Variants in GNE observed in about 807,000 individuals in gnomAD.
GNE encodes bifunctional UDP-N-acetylglucosamine 2-epimerase/N-acetylmannosamine kinase.
GNE carries 41 observed loss-of-function variants against 61.8 expected under a neutral mutation model. The ratio of observed to expected loss-of-function variants is 0.66; its 90% CI spans 0.52 to 0.86. GNE has a LOEUF of 0.86. Among genes scored for constraint, GNE ranks in the 40% least tolerant of loss-of-function variants. The pLI is 0.00. For synonymous variants in GNE, 264 were observed against 326.4 expected (o/e 0.81, Z 2.06); for missense variants, 608 against 909.1 (o/e 0.67, Z 4.26).
intron 1 of GNE, among the ~76,000 whole-genome samples, chr9:36,267,132 G>T (rs1313549943): frequency 6.6e-6 from 1 of 152,210 alleles, no homozygotes; most frequent in Non-Finnish European, 1.5e-5. Context: ...CTTAAGCTTT[G>T]CAAGAGCATA....
chr9:36,214,933 CTG>C lies in GNE; in HGVS notation c.*2430_*2431del, dbSNP rs2132979032. On this transcript the variant is annotated 3_prime_UTR_variant, in exon 12 of 12. Coordinates refer to ENST00000642385, the MANE Select transcript of GNE (RefSeq NM_005476.7). ...TTGAGTCCTTCAGTTTATTTGAACACTGAAACAATATGTTGTAGAAACCTTCA... is the reference window on the plus strand; with the variant it reads ...TTGAGTCCTTCAGTTTATTTGAACACAAACAATATGTTGTAGAAACCTTCA... 1 of 152,288 alleles carries C rather than the reference CTG, an allele frequency of 6.6e-6. No homozygotes were observed. The highest frequency in any genetic ancestry group is 2.4e-5 in the African/African-American group (1 of 41,558). The allele number at this position is 152,288 out of a possible 1,614,324, so 9.4% of individuals were successfully genotyped here.
chr9:36,238,119 T>C (rs60551834), intron 3 of GNE, among the ~76,000 whole-genome samples: 48 of 111,552 alleles, frequency 4.3e-4, no homozygotes, highest in African/African-American at 1.7e-3. Context: ...TAGATATATA[T>C]AGATACACAC....
At chr9:36,234,163 T>C in intron 4 of GNE, 31 bp from the exon 5 acceptor site, 1 of 1,548,328 alleles carries the variant, frequency 6.5e-7, no homozygotes. Context: ...AATTGGTAAA[T>C]GGTTTGTGAG....
intron 3 of GNE, among the ~76,000 whole-genome samples, chr9:36,244,051 C>A (rs941270196): frequency 6.6e-6 from 1 of 151,878 alleles, no homozygotes; most frequent in African/African-American, 2.4e-5. Flanking sequence ...GTAGCCTCAA[C>A]TACTCAGGCT....
intron 9 of GNE, among the ~76,000 whole-genome samples, chr9:36,220,928 C>CTCTGAT (rs1427243693): frequency 6.6e-6 from 1 of 152,196 alleles, no homozygotes; most frequent in African/African-American, 2.4e-5. Flanking sequence ...ACCCCTAGCC[C>CTCTGAT]TCTGATTTAC....
At chr9:36,242,732 G>GTTTTTTTTTTTT (rs34441447) in intron 3 of GNE, among the ~76,000 whole-genome samples, 2 of 95,992 alleles carry the variant, frequency 2.1e-5, no homozygotes, top group African/African-American at 4.4e-5. Context: ...TTTTATGCTT[G>GTTTTTTTTTTTT]TTTTTTTTTT....
chr9:36,255,093 A>G (rs895480219), intron 1 of GNE, among the ~76,000 whole-genome samples: 3 of 152,208 alleles, frequency 2.0e-5, no homozygotes, highest in Middle Eastern at 3.2e-3. Context: ...AGGTAGAATA[A>G]CCTTTGAGTA....
chr9:36,246,794 G>T (rs939220011), intron 2 of GNE, among the ~76,000 whole-genome samples: 1 of 149,962 alleles, frequency 6.7e-6, no homozygotes, highest in African/African-American at 2.5e-5. Context: ...TCAGCCTCCT[G>T]CGTAGCTGGG....
intron 1 of GNE, among the ~76,000 whole-genome samples, chr9:36,255,495 A>G (rs1206302119): frequency 1.3e-5 from 2 of 152,216 alleles, no homozygotes; most frequent in Non-Finnish European, 2.9e-5. Context: ...ATTAAAAGCC[A>G]CAAGAGGCTA....
At chr9:36,233,198 C>A (rs541510745) in intron 5 of GNE, among the ~76,000 whole-genome samples, 6 of 152,314 alleles carry the variant, frequency 3.9e-5, no homozygotes, top group Non-Finnish European at 7.3e-5. Context: ...TTAGCAAATT[C>A]ATTAATAATA....
At chr9:36,272,094 TAAGTC>T (rs1162200318) in intron 1 of GNE, among the ~76,000 whole-genome samples, 2 of 152,100 alleles carry the variant, frequency 1.3e-5, no homozygotes, top group Non-Finnish European at 2.9e-5. Context: ...ATCTTTATAA[TAAGTC>T]AAGCATAAAA....
chr9:36,261,383 C>T (rs1830612118), upstream of GNE, among the ~76,000 whole-genome samples: 1 of 149,572 alleles, frequency 6.7e-6, no homozygotes, highest in Non-Finnish European at 1.5e-5. Context: ...ATGGTGACAC[C>T]CCGTCTCTAC....
Position 36,222,762 on chromosome 9 carries a change from C to A in GNE, c.1633+15G>T. The A allele has an allele frequency of 1.3e-6, 2 of 1,557,608 alleles. No individual in the cohort carries two copies. The highest frequency in any genetic ancestry group is 3.5e-4 in the Middle Eastern group (2 of 5,664). On this transcript the variant is annotated intron_variant, in intron 9 of 11. Transcript: ENST00000642385. ...CATTCTAGCTCCTGAACCAACCTCCCCCTACCCCTCTTACCTGTGCCTGTG... is the reference window on the plus strand; with the variant it reads ...CATTCTAGCTCCTGAACCAACCTCCACCTACCCCTCTTACCTGTGCCTGTG...
chr9:36,217,213 G>A lies in GNE; in HGVS notation c.*152C>T. ...AATAGGAGTGGGGAAAGGTGACTCT[G>A]GAAGAGGAGACCAAAAGTGAAAACA... On this transcript the variant is annotated 3_prime_UTR_variant, in exon 12 of 12. Transcript: ENST00000642385. The A allele has an allele frequency of 1.5e-6, 1 of 689,204 alleles. No homozygotes were observed. 42.7% of individuals were successfully genotyped at this position (689,204 alleles called of 1,614,324 possible). A position where few individuals can be genotyped will look rare whatever the true frequency, so the allele number is the denominator to read the frequency against.
chr9:36,275,129 T>G (rs1831214079), intron 1 of GNE, among the ~76,000 whole-genome samples: 1 of 152,250 alleles, frequency 6.6e-6, no homozygotes, highest in Non-Finnish European at 1.5e-5. Context: ...TATTTGGATG[T>G]GTTCTACAAG....
chr9:36,267,570 C>T (rs990948518), intron 1 of GNE, among the ~76,000 whole-genome samples: 3 of 152,080 alleles, frequency 2.0e-5, no homozygotes, highest in Admixed American at 1.3e-4. Context: ...GTGGCAGGTG[C>T]CTGTAATCCT....
intron 2 of GNE, among the ~76,000 whole-genome samples, chr9:36,248,534 G>A (rs963395545): frequency 1.3e-5 from 2 of 151,058 alleles, no homozygotes; most frequent in Non-Finnish European, 2.9e-5. Flanking sequence ...ATGTTGGCCA[G>A]GCTGGTCTCA....
chr9:36,247,926 T>C (rs1210089428), intron 2 of GNE, among the ~76,000 whole-genome samples: 1 of 146,794 alleles, frequency 6.8e-6, no homozygotes, highest in African/African-American at 2.5e-5. Flanking sequence ...CTCGGAAGGC[T>C]AAGGCAGGAG....
At chr9:36,230,917 G>T (rs1829115069) in intron 5 of GNE, among the ~76,000 whole-genome samples, 1 of 151,916 alleles carries the variant, frequency 6.6e-6, no homozygotes. Flanking sequence ...TACTATCTAT[G>T]GCTGGTGCCA....
Sources: allele counts gnomAD v4.1 joint callset (sites outside exome capture counted in the v4.1 genomes callset), GRCh38; gene constraint gnomAD v4.1.1; transcripts MANE v1.5; gene names NCBI Gene and HGNC (gene_info 2026-07-23, HGNC 2026-07-21).